The following ZNF175 variants were observed in gnomAD, a reference collection of about 807,000 sequenced individuals.
ZNF175 encodes the protein zinc finger protein OTK18.
ZNF175 carries 8 observed loss-of-function variants against 14.0 expected under a neutral mutation model. That is an observed-to-expected ratio of 0.57 (90% confidence interval 0.34 to 1.03). The LOEUF is 1.03. Ranked by LOEUF, ZNF175 falls within the 50% of genes least tolerant of loss-of-function variation. The pLI is 0.03. For missense variants in ZNF175, 764 were observed against 849.5 expected, an observed-to-expected ratio of 0.90 and a Z score of 1.25; for synonymous variants, 255 against 296.8, an observed-to-expected ratio of 0.86 and a Z score of 1.45.
intron 2 of ZNF175, among the ~76,000 whole-genome samples, chr19:51,577,715 G>A (rs978685925): frequency 7.6e-5 from 11 of 144,394 alleles, no homozygotes; most frequent in East Asian, 2.1e-4. Context: ...CCAGGCTGGA[G>A]TGCAGTGGCA....
intron 2 of ZNF175, among the ~76,000 whole-genome samples, chr19:51,577,839 A>T (rs928521723): frequency 6.6e-6 from 1 of 151,038 alleles, no homozygotes. Context: ...AATTTTTTGT[A>T]TTTTTAGTAG....
rs1373670801 is a variant in ZNF175, at chr19:51,577,833, T to G, written c.73-3558T>G. Reference sequence around the variant, plus strand: ...CGCCCGCCACCACACCAAGCTAATTTTTTGTATTTTTAGTAGAGATGGGGT... The same window carrying G: ...CGCCCGCCACCACACCAAGCTAATTGTTTGTATTTTTAGTAGAGATGGGGT... On this transcript the variant is annotated intron_variant, in intron 2 of 4. Transcript: ENST00000262259. Among the ~76,000 whole-genome samples, 7 of 151,724 alleles carry G rather than the reference T, an allele frequency of 4.6e-5. No individual in the cohort carries two copies. In the South Asian group the frequency reaches 8.3e-4, roughly 18 times the overall value.
Position 51,587,660 on chromosome 19 carries a change from G to A in ZNF175, c.1329G>A (p.Gly443=), listed in dbSNP as rs202194643. ...GCTTGCACCAGAGAATCCACTCAGG[G>A]CAGAAGTCCTATGTGTGTATCGAAT... The part of the protein sequence containing the change: ...TLSLHQRIHS[G]QKSYVCIECG... Residue 443 remains glycine (G), a synonymous_variant, in exon 5 of 5, where the codon GGG becomes GGA. Transcript: ENST00000262259. 1.2e-5 allele frequency: 19 copies of A among 1,613,452 alleles called. No homozygotes were observed. The African/African-American group carries it at 2.0e-4, about 17-fold the overall frequency.
In ZNF175 at chr19:51,587,460, T is replaced by C. The variant is rs759823626; in HGVS notation, c.1129T>C (p.Ser377Pro). Residue 377 changes from serine to proline, a missense_variant, in exon 5 of 5, where the codon TCT (serine) becomes CCT (proline). Ser to Pro is a moderately conservative substitution (Grantham distance 74, BLOSUM62 -1). Transcript: ENST00000262259. ...TGGAAAAGCCTTTTTCCAGATGTTA[T>C]CTCTCTTCAGACATCAGAGAACTCA... ...DCGKAFFQML[S>P]LFRHQRTHSR... 1.9e-6 allele frequency: 3 copies of C among 1,614,202 alleles called. No individual in the cohort carries two copies. Among genetic ancestry groups the C allele is most frequent in the South Asian group, 1.1e-5 (1 of 91,084 alleles).
Position 51,592,444 on chromosome 19 carries a change from G to A in ZNF175, c.*3977G>A, listed in dbSNP as rs1415237081. 4.4e-5 allele frequency: 24 copies of A among 546,302 alleles called. No homozygotes were observed. Among genetic ancestry groups the A allele is most frequent in the Middle Eastern group, 9.3e-4 (2 of 2,152 alleles). 33.8% of individuals were successfully genotyped at this position (546,302 alleles called of 1,614,324 possible). A position where few individuals can be genotyped will look rare whatever the true frequency, so the allele number is the denominator to read the frequency against. ...CACCATGAGTACAACACAAATGCTC[G>A]TTCTTAATGATTCAACAAACATGGA... On this transcript the variant is annotated 3_prime_UTR_variant, in exon 5 of 5. Coordinates refer to ENST00000262259, the MANE Select transcript of ZNF175 (RefSeq NM_007147.4).
In ZNF175 at chr19:51,588,584, C is replaced by A; in HGVS notation, c.*117C>A. 1 of 1,199,170 alleles carries A rather than the reference C, an allele frequency of 8.3e-7. No individual in the cohort carries two copies. The highest frequency in any genetic ancestry group is 1.1e-6 in the Non-Finnish European group (1 of 889,602). The allele number at this position is 1,199,170 out of a possible 1,614,324, so 74.3% of individuals were successfully genotyped here. Reference sequence around the variant, plus strand: ...TTATTGAATTCATGCTTCAGAAAAACTCTAGGGATGCACTGCATGTGTGAA... The same window carrying A: ...TTATTGAATTCATGCTTCAGAAAAAATCTAGGGATGCACTGCATGTGTGAA... On this transcript the variant is annotated 3_prime_UTR_variant, in exon 5 of 5. Coordinates refer to ENST00000262259, the MANE Select transcript of ZNF175 (RefSeq NM_007147.4).
rs375545693 is a variant in ZNF175 at position 51,579,541 on chromosome 19, G to A, written c.73-1850G>A. ...GATGCTCAGCTTCATTAGTCATCTG[G>A]GAATTGCCAGTGTAACTCCCATGCC... On this transcript the variant is annotated intron_variant, in intron 2 of 4. Coordinates refer to ENST00000262259, the MANE Select transcript of ZNF175 (RefSeq NM_007147.4). 2.6e-4 allele frequency among the ~76,000 whole-genome samples: 39 copies of A among 152,196 alleles called. 1 individual carries two copies. In the South Asian group the frequency reaches 7.9e-3, roughly 31 times the overall value.
At position 51,588,778 on chromosome 19, in the gene ZNF175, G is replaced by C; in HGVS notation, c.*311G>C. ...AGCCTTTCTGTAAAGAATGGTACAA[G>C]ACAGGTTGTTACTCGATTATTTATA... On this transcript the variant is annotated 3_prime_UTR_variant, in exon 5 of 5. Transcript: ENST00000262259. 1 of 409,020 alleles carries C rather than the reference G, an allele frequency of 2.4e-6. No homozygotes were observed. Among genetic ancestry groups the C allele is most frequent in the Non-Finnish European group, 4.3e-6 (1 of 232,124 alleles). 25.3% of individuals were successfully genotyped at this position (409,020 alleles called of 1,614,324 possible).
chr19:51,587,901 A>AT lies in ZNF175; in HGVS notation c.1572dup (p.His525SerfsTer11). ...GTCACACCTGAATATACACCAGAAA[A>AT]TTCATACTGGAGAAAGACACCATGT... On this transcript the variant is annotated frameshift_variant, in exon 5 of 5. Coordinates refer to ENST00000262259, the MANE Select transcript of ZNF175 (RefSeq NM_007147.4). LOFTEE classifies it low-confidence loss of function (END_TRUNC). The AT allele has an allele frequency of 6.2e-7, 1 of 1,614,168 alleles. No homozygotes were observed. Among genetic ancestry groups the AT allele is most frequent in the Non-Finnish European group, 8.5e-7 (1 of 1,180,028 alleles).
chr19:51,592,266 C>A lies in ZNF175; in HGVS notation c.*3799C>A. The stretch of plus-strand genomic sequence containing the variant: ...TACCTGGATGCTACACATCCCAGCT[C>A]TGCCCCTCGCTAGTTTGGTGGCAAG... On this transcript the variant is annotated 3_prime_UTR_variant, in exon 5 of 5. Coordinates refer to ENST00000262259, the MANE Select transcript of ZNF175 (RefSeq NM_007147.4). 4.6e-6 allele frequency: 1 copy of A among 216,764 alleles called. No individual in the cohort carries two copies. The highest frequency in any genetic ancestry group is 9.1e-6 in the Non-Finnish European group (1 of 109,978). The allele number at this position is 216,764 out of a possible 1,614,324, so 13.4% of individuals were successfully genotyped here.
rs1206865176 is a variant in ZNF175 at position 51,581,668 on chromosome 19, A to G, written c.200-119A>G. ...TTGTTTCTTTTGGGCACCTTCTAGT[A>G]TTATTTTGTGCCCAGTGGAAAATGT... On this transcript the variant is annotated intron_variant, in intron 3 of 4. Transcript: ENST00000262259. 4.0e-6 allele frequency: 6 copies of G among 1,518,542 alleles called. No individual in the cohort carries two copies. The African/African-American group carries it at 8.4e-5, about 21-fold the overall frequency. The allele number at this position is 1,518,542 out of a possible 1,614,324, so 94.1% of individuals were successfully genotyped here. A position where few individuals can be genotyped will look rare whatever the true frequency, so the allele number is the denominator to read the frequency against.
At chr19:51,581,622 T>C (rs1263886028) in intron 3 of ZNF175, 105 bp downstream of exon 3, 3 of 1,534,588 alleles carry the variant, frequency 2.0e-6, no homozygotes, top group Admixed American at 4.1e-5. Flanking sequence ...ATGACTCTTT[T>C]ATCGGTTTGT....
Position 51,589,878 on chromosome 19 carries a change from C to CACACAAACACACACACAT in ZNF175, c.*1417_*1434dup. On this transcript the variant is annotated 3_prime_UTR_variant, in exon 5 of 5. Coordinates refer to ENST00000262259, the MANE Select transcript of ZNF175 (RefSeq NM_007147.4). Reference sequence around the variant, plus strand: ...AAAATGTTTGCCAGCACATGATACACACACAAACACACACACATACACACA... The same window carrying CACACAAACACACACACAT: ...AAAATGTTTGCCAGCACATGATACACACACAAACACACACACATACACAAACACACACACATACACACA... 2.1e-6 allele frequency: 1 copy of CACACAAACACACACACAT among 480,402 alleles called. No homozygotes were observed. The highest frequency in any genetic ancestry group is 3.7e-6 in the Non-Finnish European group (1 of 269,420). 29.8% of individuals were successfully genotyped at this position (480,402 alleles called of 1,614,324 possible).
intron 2 of ZNF175, among the ~76,000 whole-genome samples, chr19:51,580,501 G>T (rs936895812): frequency 2.0e-5 from 3 of 152,164 alleles, no homozygotes; most frequent in African/African-American, 7.2e-5. Flanking sequence ...CTGTAATGAA[G>T]ATCTTTCCAT....
At chr19:51,583,142 A>C (rs149275593) in intron 4 of ZNF175, among the ~76,000 whole-genome samples, 1,887 of 152,278 alleles carry the variant, frequency 0.012, 47 homozygotes, top group African/African-American at 0.043. Context: ...GGCGTGAGCC[A>C]CCGTGCCCGG....
Position 51,588,061 on chromosome 19 carries a change from ATCAGCGAATT to A in ZNF175, c.1731_1740del (p.Gln578ThrfsTer27). ...ACTTCTAAGTCTCAATTCAAAGAGC[ATCAGCGAATT>A]CACACGGGTGAGAAACCCTATGTGT... On this transcript the variant is annotated frameshift_variant, in exon 5 of 5. Coordinates refer to ENST00000262259, the MANE Select transcript of ZNF175 (RefSeq NM_007147.4). LOFTEE classifies it low-confidence loss of function (END_TRUNC). 6.2e-7 allele frequency: 1 copy of A among 1,614,212 alleles called. No individual in the cohort carries two copies. Among genetic ancestry groups the A allele is most frequent in the Non-Finnish European group, 8.5e-7 (1 of 1,180,004 alleles).
chr19:51,584,584 G>T (rs1026348051), intron 4 of ZNF175, among the ~76,000 whole-genome samples: 1 of 152,256 alleles, frequency 6.6e-6, no homozygotes, highest in South Asian at 2.1e-4. Context: ...GTGGAAGATT[G>T]CCAGAATAAA....
At chr19:51,580,509 C>T (rs1294244399) in intron 2 of ZNF175, among the ~76,000 whole-genome samples, 1 of 152,188 alleles carries the variant, frequency 6.6e-6, no homozygotes, top group Non-Finnish European at 1.5e-5. Context: ...AAGATCTTTC[C>T]ATCATCAGTC....
In ZNF175 at chr19:51,587,193, T is replaced by C. The variant is rs945391198; in HGVS notation, c.862T>C (p.Phe288Leu). ...TGGATGTTCTGAATGTGGGGGGAGC[T>C]TCACCCAGAAGTCACACCTCTTTGC... ...PDGCSECGGS[F>L]TQKSHLFAQQ... Residue 288 changes from phenylalanine to leucine, a missense_variant, in exon 5 of 5, where the codon TTC becomes CTC. By Grantham distance (22) the Phe-to-Leu change is conservative (BLOSUM62 0). Coordinates refer to ENST00000262259, the MANE Select transcript of ZNF175 (RefSeq NM_007147.4). The C allele has an allele frequency of 6.2e-7, 1 of 1,613,970 alleles. No individual in the cohort carries two copies. Among genetic ancestry groups the C allele is most frequent in the African/African-American group, 1.3e-5 (1 of 74,884 alleles).
Sources: allele counts gnomAD v4.1 joint callset (sites outside exome capture counted in the v4.1 genomes callset), GRCh38; gene constraint gnomAD v4.1.1; transcripts MANE v1.5; gene names NCBI Gene and HGNC (gene_info 2026-07-23, HGNC 2026-07-21).